Variants in CD33 observed in about 807,000 individuals in gnomAD.
CD33 encodes myeloid cell surface antigen CD33.
A neutral mutation model predicts 31.4 loss-of-function variants in CD33; 25 were observed. That is an observed-to-expected ratio of 0.80 (90% CI 0.58 to 1.11). The LOEUF (loss-of-function observed/expected upper bound fraction) is 1.11. Ranked by LOEUF, CD33 falls within the 50% of genes most tolerant of loss-of-function variation. The probability of loss-of-function intolerance (pLI) is 0.00; values close to 1 mark genes in which losing one functional copy is unlikely to be tolerated. For synonymous variants in CD33, 176 were observed against 180.6 expected, an observed-to-expected ratio of 0.97 and a Z score of 0.20; for missense variants, 407 against 448.1, an observed-to-expected ratio of 0.91 and a Z score of 0.83.
intron 4 of CD33, among the ~76,000 whole-genome samples, chr19:51,232,584 C>A (rs1025980147): frequency 2.0e-5 from 3 of 152,084 alleles, no homozygotes; most frequent in Non-Finnish European, 4.4e-5. Flanking sequence ...AGGTTTCCTT[C>A]GTTCTATTTT....
chr19:51,211,343 G>T, the CD33 span: 2 of 1,559,002 alleles, frequency 1.3e-6, no homozygotes, highest in Non-Finnish European at 8.8e-7. Flanking sequence ...TCAGTTCATG[G>T]TTACTGGTTC....
chr19:51,223,487 AC>A (rs976995004), upstream of CD33, among the ~76,000 whole-genome samples: 3 of 152,124 alleles, frequency 2.0e-5, no homozygotes, highest in African/African-American at 7.2e-5. Flanking sequence ...GATATGGAAA[AC>A]CATGTAGCTG....
chr19:51,235,511 G>T, intron 5 of CD33, 84 bp from the exon 6 acceptor site: 1 of 1,503,426 alleles, frequency 6.7e-7, no homozygotes, highest in Non-Finnish European at 8.9e-7. Context: ...CCCTTTACCT[G>T]CCAAAGTCCC....
In CD33 at chr19:51,239,709, G is replaced by C; in HGVS notation, c.*21G>C. ...AGTGAGGAACCCACAAGAGCATCAG[G>C]CTCAGCTAGAAGATCCACATCCTCT... On this transcript the variant is annotated 3_prime_UTR_variant, in exon 7 of 7. Transcript: ENST00000262262. 6.3e-7 allele frequency: 1 copy of C among 1,593,108 alleles called. No individual in the cohort carries two copies. Among genetic ancestry groups the C allele is most frequent in the Non-Finnish European group, 8.5e-7 (1 of 1,169,710 alleles).
chr19:51,222,662 G>C (rs573194537), upstream of CD33, among the ~76,000 whole-genome samples: 2 of 152,116 alleles, frequency 1.3e-5, no homozygotes, highest in African/African-American at 4.8e-5. Context: ...AACTCACAAT[G>C]AAAGAGGACA....
At chr19:51,239,496 C>A (rs753529181) in intron 6 of CD33, 22 bp from the exon 7 acceptor site, 1 of 1,561,874 alleles carries the variant, frequency 6.4e-7, no homozygotes, top group African/African-American at 1.4e-5. Context: ...CTGCTCTAAC[C>A]CCCTTCTTTC....
At chr19:51,220,454 C>T (rs1012175620), upstream of CD33, among the ~76,000 whole-genome samples, 21 of 152,130 alleles carry the variant, frequency 1.4e-4, no homozygotes, top group Non-Finnish European at 2.8e-4. Context: ...TGGTGTCATT[C>T]CTTGAATTTT....
At chr19:51,211,208 G>A in the CD33 span, 1 of 1,574,776 alleles carries the variant, frequency 6.4e-7, no homozygotes, top group East Asian at 2.2e-5. Flanking sequence ...TTCCCCACAG[G>A]GGCCCTGGCT....
At chr19:51,221,368 A>G (rs867739801), upstream of CD33, among the ~76,000 whole-genome samples, 7 of 152,358 alleles carry the variant, frequency 4.6e-5, 1 homozygote, top group Middle Eastern at 0.014. Flanking sequence ...AAAACATACT[A>G]AAGATCATTT....
chr19:51,213,022 T>C, the CD33 span, among the ~76,000 whole-genome samples: 5 of 152,230 alleles, frequency 3.3e-5, no homozygotes, highest in African/African-American at 1.2e-4. Context: ...AGTGTATGCC[T>C]ATGTATGTGG....
the CD33 span, chr19:51,211,738 A>T: frequency 3.9e-6 from 3 of 776,578 alleles, no homozygotes; most frequent in Admixed American, 2.3e-5. Context: ...AGCTTCCCTC[A>T]GGGCTGTACC....
chr19:51,235,766 G>C, intron 6 of CD33, 90 bp downstream of exon 6: 1 of 1,070,770 alleles, frequency 9.3e-7, no homozygotes, highest in South Asian at 1.3e-5. Flanking sequence ...AGCATTTCCA[G>C]AACTGAGCTT....
chr19:51,231,100 G>A (rs1364858768), intron 4 of CD33, among the ~76,000 whole-genome samples: 2 of 152,180 alleles, frequency 1.3e-5, no homozygotes, highest in Non-Finnish European at 2.9e-5. Context: ...AAAAGAACTT[G>A]TTCTCCATTA....
At chr19:51,234,943 G>T (rs1167337230) in intron 4 of CD33, among the ~76,000 whole-genome samples, 1 of 152,154 alleles carries the variant, frequency 6.6e-6, no homozygotes, top group African/African-American at 2.4e-5. Flanking sequence ...GATGTTTTGT[G>T]CACCAGAGAG....
upstream of CD33, among the ~76,000 whole-genome samples, chr19:51,221,591 A>G (rs1980690013): frequency 6.6e-6 from 1 of 152,208 alleles, no homozygotes; most frequent in African/African-American, 2.4e-5. Context: ...CAGTTTGACA[A>G]TTTCTTATAA....
the CD33 span, chr19:51,211,910 G>A: frequency 1.4e-6 from 2 of 1,436,974 alleles, no homozygotes; most frequent in South Asian, 1.1e-5. Context: ...TCTTCTCCTG[G>A]ATGTCAGCTG....
upstream of CD33, among the ~76,000 whole-genome samples, chr19:51,223,287 A>G (rs1980776842): frequency 6.6e-6 from 1 of 152,194 alleles, no homozygotes; most frequent in Admixed American, 6.5e-5. Flanking sequence ...TAAATAACTT[A>G]CAACAGATAT....
chr19:51,234,703 C>T (rs1275974555), intron 4 of CD33, among the ~76,000 whole-genome samples: 1 of 152,190 alleles, frequency 6.6e-6, no homozygotes, highest in African/African-American at 2.4e-5. Flanking sequence ...CTGAGAACCA[C>T]CTCCCTGCCC....
the CD33 span, among the ~76,000 whole-genome samples, chr19:51,216,450 C>G: frequency 4.6e-5 from 7 of 152,066 alleles, no homozygotes; most frequent in Non-Finnish European, 8.8e-5. Flanking sequence ...TGGCTCACAC[C>G]TGTAATCCCA....
Sources: allele counts gnomAD v4.1 joint callset (sites outside exome capture counted in the v4.1 genomes callset), GRCh38; gene constraint gnomAD v4.1.1; transcripts MANE v1.5; gene names NCBI Gene and HGNC (gene_info 2026-07-23, HGNC 2026-07-21).